RUFY1: variants seen among roughly 807,000 people sequenced by gnomAD.
RUFY1 encodes RUN and FYVE domain-containing protein 1.
In RUFY1, 54 loss-of-function variants were observed where a neutral mutation model predicts 94.6. That is an observed-to-expected ratio of 0.57 (90% CI 0.46 to 0.72). The LOEUF (loss-of-function observed/expected upper bound fraction) is 0.72. Ranked by LOEUF, RUFY1 falls within the 30% of genes least tolerant of loss-of-function variation. RUFY1 has a pLI of 0.00. For missense variants in RUFY1, 883 were observed against 883.9 expected (o/e 1.00, Z 0.01); for synonymous variants, 396 against 347.3 (o/e 1.14, Z -1.56).
At chr5:179,573,278 G>A (rs956116024) in intron 5 of RUFY1, among the ~76,000 whole-genome samples, 1 of 152,092 alleles carries the variant, frequency 6.6e-6, no homozygotes, top group South Asian at 2.1e-4. Flanking sequence ...TCAAATTCCA[G>A]AATAAAAACT....
intron 5 of RUFY1, among the ~76,000 whole-genome samples, chr5:179,574,573 A>G (rs1248732585): frequency 2.0e-5 from 3 of 152,132 alleles, no homozygotes; most frequent in African/African-American, 7.2e-5. Flanking sequence ...TTTAACTTTT[A>G]GCATAGTTTT....
rs1581422288 is a variant in RUFY1 at position 179,559,753 on chromosome 5, G to A, written c.311-272G>A. The A allele has an allele frequency of 7.8e-6, 9 of 1,157,374 alleles. No individual in the cohort carries two copies. In the South Asian group the frequency reaches 9.1e-5, roughly 12 times the overall value. The allele number at this position is 1,157,374 out of a possible 1,614,324, so 71.7% of individuals were successfully genotyped here. A position where few individuals can be genotyped will look rare whatever the true frequency, so the allele number is the denominator to read the frequency against. On this transcript the variant is annotated intron_variant, in intron 1 of 17. Transcript: ENST00000319449. ...GGCGAGTCTTGCTAAAGCCGTCGCC[G>A]TAGCAACGCGCGGAGCCGTCTGGGA...
At chr5:179,589,708 C>T in intron 9 of RUFY1, 61 bp downstream of exon 9, 1 of 1,256,480 alleles carries the variant, frequency 8.0e-7, no homozygotes, top group South Asian at 1.2e-5. Context: ...TATTGTCAAT[C>T]TCAAGCTCAT....
At chr5:179,553,751 C>G (rs1181665071) in intron 1 of RUFY1, among the ~76,000 whole-genome samples, 1 of 152,178 alleles carries the variant, frequency 6.6e-6, no homozygotes, top group Non-Finnish European at 1.5e-5. Flanking sequence ...GACCATTCCA[C>G]TGCAGTCCAG....
At chr5:179,605,459 C>T (rs1766967139) in intron 15 of RUFY1, among the ~76,000 whole-genome samples, 1 of 152,154 alleles carries the variant, frequency 6.6e-6, no homozygotes, top group African/African-American at 2.4e-5. Context: ...TGAGCCTTCC[C>T]CCTTCCAGAC....
intron 2 of RUFY1, 146 bp downstream of exon 2, chr5:179,560,344 C>T (rs1027107945): frequency 1.0e-6 from 1 of 1,003,922 alleles, no homozygotes; most frequent in South Asian, 1.8e-5. Flanking sequence ...GAAGCGACGT[C>T]CTAGAGCAGC....
intron 6 of RUFY1, among the ~76,000 whole-genome samples, chr5:179,578,299 C>T (rs1370150193): frequency 2.6e-5 from 4 of 152,102 alleles, no homozygotes; most frequent in Non-Finnish European, 4.4e-5. Context: ...CTGCAACCTC[C>T]GCCTCCCCGG....
intron 5 of RUFY1, among the ~76,000 whole-genome samples, chr5:179,570,958 G>C (rs1763183954): frequency 6.6e-6 from 1 of 152,188 alleles, no homozygotes; most frequent in South Asian, 2.1e-4. Flanking sequence ...GTGTGTGCAT[G>C]CATGTGTGTG....
intron 6 of RUFY1, among the ~76,000 whole-genome samples, chr5:179,577,938 A>T (rs980871533): frequency 1.5e-4 from 23 of 149,696 alleles, no homozygotes; most frequent in Non-Finnish European, 2.4e-4. Flanking sequence ...TTGTTTAGTT[A>T]TTTTTAAATA....
intron 16 of RUFY1, 66 bp downstream of exon 16, chr5:179,605,990 T>TTTC: frequency 9.4e-7 from 1 of 1,064,218 alleles, no homozygotes; most frequent in East Asian, 2.4e-5. Context: ...TGCTCGTACG[T>TTTC]TTAAGTATCC....
chr5:179,565,271 C>T lies in RUFY1; in HGVS notation c.603-2190C>T, dbSNP rs143925467. 7.4e-3 allele frequency among the ~76,000 whole-genome samples: 1,091 copies of T among 147,222 alleles called. 18 individuals are homozygous for T. The highest frequency in any genetic ancestry group is 0.024 in the African/African-American group (956 of 40,258). On this transcript the variant is annotated intron_variant, in intron 3 of 17. Coordinates refer to ENST00000319449, the MANE Select transcript of RUFY1 (RefSeq NM_025158.5). ...TCGACTCACTGCAGCCTCTGCCTCC[C>T]GGGTTCAAGCCATTCTCATGCCTCA...
At chr5:179,571,963 G>A (rs1483716709) in intron 5 of RUFY1, among the ~76,000 whole-genome samples, 10 of 151,870 alleles carry the variant, frequency 6.6e-5, no homozygotes, top group Admixed American at 6.6e-4. Context: ...TGCCCTGTAA[G>A]TTTTTTATTT....
At position 179,596,787 on chromosome 5, in the gene RUFY1, C is replaced by CG. The variant is rs377300063; in HGVS notation, c.1631+113dup. 5.6e-5 allele frequency: 12 copies of CG among 214,442 alleles called. No homozygotes were observed. In the East Asian group the frequency reaches 5.6e-4, roughly 10 times the overall value. The allele number at this position is 214,442 out of a possible 1,614,324, so 13.3% of individuals were successfully genotyped here. On this transcript the variant is annotated intron_variant, in intron 13 of 17. Coordinates refer to ENST00000319449, the MANE Select transcript of RUFY1 (RefSeq NM_025158.5). ...TCAGCACGAACGGGAGGAGGGGGGGCGGGGGGGCAGGTGGTATCCTGCTTC... is the reference window on the plus strand; with the variant it reads ...TCAGCACGAACGGGAGGAGGGGGGGCGGGGGGGGCAGGTGGTATCCTGCTTC...
At chr5:179,567,860 C>T (rs1055550410) in intron 4 of RUFY1, among the ~76,000 whole-genome samples, 33 of 151,946 alleles carry the variant, frequency 2.2e-4, no homozygotes, top group African/African-American at 7.5e-4. Flanking sequence ...GCCGAGATCA[C>T]GCCACTGCAC....
rs199642534 is a variant in RUFY1, at chr5:179,569,416, G to A, written c.819G>A (p.Leu273=). ...DANLCLKGED[L]DSQVGVIDFS... is the part of the protein sequence containing the mutation. The stretch of plus-strand genomic sequence containing the variant: ...ATCTCTGCTTGAAAGGAGAAGACTT[G>A]GATTCTCAGGTAAAATGAAATTTTG... Residue 273 remains leucine, a synonymous_variant, in exon 5 of 18, where the codon TTG becomes TTA. Transcript: ENST00000319449. The A allele has an allele frequency of 1.9e-6, 3 of 1,613,400 alleles. No homozygotes were observed. Among genetic ancestry groups the A allele is most frequent in the African/African-American group, 2.7e-5 (2 of 74,854 alleles).
intron 3 of RUFY1, among the ~76,000 whole-genome samples, chr5:179,564,380 A>G (rs1223906090): frequency 6.7e-6 from 1 of 150,366 alleles, no homozygotes; most frequent in Non-Finnish European, 1.5e-5. Flanking sequence ...TCAGCCTCCC[A>G]AAGTGCTGGG....
At chr5:179,566,915 G>A (rs1310561249) in intron 3 of RUFY1, among the ~76,000 whole-genome samples, 1 of 152,040 alleles carries the variant, frequency 6.6e-6, no homozygotes, top group Non-Finnish European at 1.5e-5. Flanking sequence ...TTAGCCAGGT[G>A]TGGTGATGCA....
At position 179,550,622 on chromosome 5, in the gene RUFY1, CGGAGCT is replaced by C. The variant is rs757047346; in HGVS notation, c.59_64del (p.Leu20_Glu21del). 3 of 1,350,854 alleles carry C rather than the reference CGGAGCT, an allele frequency of 2.2e-6. No homozygotes were observed. Among genetic ancestry groups the C allele is most frequent in the Non-Finnish European group, 2.8e-6 (3 of 1,057,230 alleles). The allele number at this position is 1,350,854 out of a possible 1,614,324, so 83.7% of individuals were successfully genotyped here. A position where few individuals can be genotyped will look rare whatever the true frequency, so the allele number is the denominator to read the frequency against. On this transcript the variant is annotated inframe_deletion, in exon 1 of 18. Transcript: ENST00000319449. ...GCTGGGCGGGGGCGGGAGCTGGAGCCGGAGCTGGAGCCGGGGCCGGGGCCCGGGTCA... is the reference window on the plus strand; with the variant it reads ...GCTGGGCGGGGGCGGGAGCTGGAGCCGGAGCCGGGGCCGGGGCCCGGGTCA...
intron 6 of RUFY1, among the ~76,000 whole-genome samples, chr5:179,580,241 G>GTGTGTGTGTGTGTA (rs149099074): frequency 2.1e-5 from 2 of 93,850 alleles, no homozygotes; most frequent in South Asian, 3.5e-4. Context: ...GTGTGTGTGT[G>GTGTGTGTGTGTGTA]TATATTTTTT....
Sources: gnomAD v4.1 joint callset for allele counts (sites outside exome capture counted in the v4.1 genomes callset) on GRCh38, gnomAD v4.1.1 for gene constraint, MANE v1.5 for transcripts, NCBI Gene and HGNC (gene_info 2026-07-23, HGNC 2026-07-21) for gene names.